Variants in CLPX observed in about 807,000 individuals in gnomAD.
CLPX encodes the protein ATP-dependent clpX-like chaperone, mitochondrial.
In CLPX, 34 loss-of-function variants were observed where a neutral mutation model predicts 76.4. The ratio of observed to expected loss-of-function variants is 0.45; its 90% confidence interval spans 0.34 to 0.59. The LOEUF (loss-of-function observed/expected upper bound fraction) is 0.59, where lower values mean the gene tolerates loss of function less well. Ranked by LOEUF, CLPX falls within the 20% of genes least tolerant of loss-of-function variation. CLPX has a pLI of 0.01. For missense variants in CLPX, 613 were observed against 757.0 expected, an observed-to-expected ratio of 0.81 and a Z score of 2.23; for synonymous variants, 248 against 270.9, an observed-to-expected ratio of 0.92 and a Z score of 0.83.
At chr15:65,155,557 T>C in intron 10 of CLPX, 135 bp downstream of exon 10, 3 of 752,154 alleles carry the variant, frequency 4.0e-6, no homozygotes, top group Non-Finnish European at 6.5e-6. Context: ...CCCTGTATAT[T>C]TCTGATATGC....
chr15:65,180,723 G>A (rs892400865), intron 1 of CLPX, among the ~76,000 whole-genome samples: 1 of 151,866 alleles, frequency 6.6e-6, no homozygotes, highest in East Asian at 1.9e-4. Context: ...CCAACATGGT[G>A]AAACCCCGTC....
Position 65,155,866 on chromosome 15 carries a change from G to A in CLPX, c.1147-10C>T, listed in dbSNP as rs1486984541. On this transcript the variant is annotated splice_polypyrimidine_tract_variant and intron_variant, in intron 9 of 13. Transcript: ENST00000300107. ...GTAGTTTTAATAAGCCCTAAATAAA[G>A]AACAAATGATTTATAGCATCACCAT... 6.2e-6 allele frequency: 10 copies of A among 1,602,340 alleles called. No individual in the cohort carries two copies. The highest frequency in any genetic ancestry group is 8.5e-6 in the Non-Finnish European group (10 of 1,171,252).
chr15:65,163,386 T>A (rs1034082672), intron 5 of CLPX, among the ~76,000 whole-genome samples: 1 of 152,108 alleles, frequency 6.6e-6, no homozygotes, highest in Non-Finnish European at 1.5e-5. Flanking sequence ...CAATCAAAGA[T>A]AATGTAGACT....
chr15:65,170,200 CG>C (rs1406664027), intron 3 of CLPX, among the ~76,000 whole-genome samples: 1 of 152,006 alleles, frequency 6.6e-6, no homozygotes, highest in East Asian at 1.9e-4. Context: ...TAATGGTAAC[CG>C]GGGACCTCAG....
chr15:65,184,672 G>A (rs904373438), intron 1 of CLPX, among the ~76,000 whole-genome samples: 2 of 152,264 alleles, frequency 1.3e-5, no homozygotes, highest in Non-Finnish European at 2.9e-5. Context: ...CGGGCCCGAG[G>A]GGGATCCCGG....
At chr15:65,173,082 A>C (rs769583299) in intron 3 of CLPX, among the ~76,000 whole-genome samples, 9 of 152,078 alleles carry the variant, frequency 5.9e-5, no homozygotes, top group Non-Finnish European at 1.2e-4. Flanking sequence ...TGAATAAAGA[A>C]AGACAGGCTG....
intron 11 of CLPX, 176 bp downstream of exon 11, chr15:65,154,606 C>A: frequency 1.8e-6 from 1 of 558,994 alleles, no homozygotes; most frequent in Non-Finnish European, 3.1e-6. Context: ...ATAAAGACAA[C>A]TCCTAAATTC....
At chr15:65,167,373 T>TA (rs1254850029) in intron 3 of CLPX, among the ~76,000 whole-genome samples, 2 of 152,062 alleles carry the variant, frequency 1.3e-5, no homozygotes. Flanking sequence ...CCCGGCCCAC[T>TA]AAAAAAGATT....
At position 65,150,904 on chromosome 15, in the gene CLPX, T is replaced by C. The variant is rs1238572594; in HGVS notation, c.1821A>G (p.Thr607=). The change falls in exon 14 of 14, where the codon ACA becomes ACG. Residue 607 remains threonine (T), a synonymous_variant. Transcript: ENST00000300107. ...CATACTCCTCTTCAGAGGATTCTTTTGTTGGAGCCCTACAATGAAAAGCCA... is the reference window on the plus strand; with the variant it reads ...CATACTCCTCTTCAGAGGATTCTTTCGTTGGAGCCCTACAATGAAAAGCCA... ...KKEPGYIRAP[T]KESSEEEYDS... is the part of the protein sequence containing the mutation. 3 of 1,605,588 alleles carry C rather than the reference T, an allele frequency of 1.9e-6. No homozygotes were observed. The Admixed American group carries it at 5.1e-5, about 27-fold the overall frequency.
chr15:65,149,512 G>T lies in CLPX; in HGVS notation c.*1311C>A, dbSNP rs2087693185. The T allele has an allele frequency of 2.4e-6, 1 of 410,554 alleles. No homozygotes were observed. The highest frequency in any genetic ancestry group is 2.1e-5 in the African/African-American group (1 of 47,104). 25.4% of individuals were successfully genotyped at this position (410,554 alleles called of 1,614,324 possible). A position where few individuals can be genotyped will look rare whatever the true frequency, so the allele number is the denominator to read the frequency against. On this transcript the variant is annotated 3_prime_UTR_variant, in exon 14 of 14. Transcript: ENST00000300107. Reference sequence around the variant, plus strand: ...TAAAATAGATATATAACTTTCTGAAGATTTAAGCCAGACTTCAATTCCATG... The same window carrying T: ...TAAAATAGATATATAACTTTCTGAATATTTAAGCCAGACTTCAATTCCATG...
In CLPX at chr15:65,166,791, A is replaced by G; in HGVS notation, c.359-6T>C. Reference sequence around the variant, plus strand: ...CTTGACAAAACGGGTGGATGCTGTAAAAGAAAACAGACATAAGTAGAGGGA... The same window carrying G: ...CTTGACAAAACGGGTGGATGCTGTAGAAGAAAACAGACATAAGTAGAGGGA... On this transcript the variant is annotated splice_polypyrimidine_tract_variant and splice_region_variant and intron_variant, in intron 3 of 13. Transcript: ENST00000300107. The G allele has an allele frequency of 6.2e-7, 1 of 1,610,548 alleles. No individual in the cohort carries two copies. Among genetic ancestry groups the G allele is most frequent in the Non-Finnish European group, 8.5e-7 (1 of 1,178,782 alleles).
chr15:65,185,273 T>C lies in CLPX; in HGVS notation c.-120A>G. On this transcript the variant is annotated 5_prime_UTR_variant, in exon 1 of 14. Transcript: ENST00000300107. ...ACCCTTTCGCGGGCCCTAGACCCCGTGGAGAGTTCACCTGCCCGGCAGCCA... is the reference window on the plus strand; with the variant it reads ...ACCCTTTCGCGGGCCCTAGACCCCGCGGAGAGTTCACCTGCCCGGCAGCCA... 1 of 770,192 alleles carries C rather than the reference T, an allele frequency of 1.3e-6. No homozygotes were observed. Among genetic ancestry groups the C allele is most frequent in the Non-Finnish European group, 2.1e-6 (1 of 473,676 alleles). 47.7% of individuals were successfully genotyped at this position (770,192 alleles called of 1,614,324 possible).
At position 65,150,912 on chromosome 15, in the gene CLPX, C is replaced by T. The variant is rs16948530; in HGVS notation, c.1813G>A (p.Ala605Thr). 23 of 1,592,526 alleles carry T rather than the reference C, an allele frequency of 1.4e-5. No homozygotes were observed. In the African/African-American group the frequency reaches 2.8e-4, roughly 20 times the overall value. The change falls in exon 14 of 14, where the codon GCT (alanine) becomes ACT (threonine). Residue 605 changes from alanine to threonine, a missense_variant and splice_region_variant. Around this residue, in one of 2 missense-constraint regions of CLPX, gnomAD observed 450 missense variants for 638.6 expected, o/e 0.70. Transcript: ENST00000300107. Reference sequence around the variant, plus strand: ...TCTTCAGAGGATTCTTTTGTTGGAGCCCTACAATGAAAAGCCATGTTTGTT... The same window carrying T: ...TCTTCAGAGGATTCTTTTGTTGGAGTCCTACAATGAAAAGCCATGTTTGTT... ...EGKKEPGYIR[A>T]PTKESSEEEY...
At chr15:65,180,731 G>A (rs1178169127) in intron 1 of CLPX, among the ~76,000 whole-genome samples, 7 of 151,700 alleles carry the variant, frequency 4.6e-5, no homozygotes, top group East Asian at 1.9e-4. Context: ...GTGAAACCCC[G>A]TCTCTACTAA....
In CLPX at chr15:65,149,352, G is replaced by C. The variant is rs1001796987; in HGVS notation, c.*1471C>G. 1 of 205,476 alleles carries C rather than the reference G, an allele frequency of 4.9e-6. No individual in the cohort carries two copies. Among genetic ancestry groups the C allele is most frequent in the African/African-American group, 2.4e-5 (1 of 42,084 alleles). The allele number at this position is 205,476 out of a possible 1,614,324, so 12.7% of individuals were successfully genotyped here. A position where few individuals can be genotyped will look rare whatever the true frequency, so the allele number is the denominator to read the frequency against. On this transcript the variant is annotated 3_prime_UTR_variant, in exon 14 of 14. Transcript: ENST00000300107. ...TAGCCAGGTGTGGTGGTGCACGCCT[G>C]TAGTCCCAGCTACTCAGGAGGCTGA...
intron 3 of CLPX, among the ~76,000 whole-genome samples, chr15:65,169,456 C>T (rs937462691): frequency 6.6e-6 from 1 of 152,060 alleles, no homozygotes; most frequent in Non-Finnish European, 1.5e-5. Flanking sequence ...CAGTGGCTCA[C>T]ACCTGTAAAC....
chr15:65,154,687 T>G (rs918182845), intron 11 of CLPX, 95 bp downstream of exon 11: 11 of 884,954 alleles, frequency 1.2e-5, no homozygotes, highest in Non-Finnish European at 1.9e-5. Context: ...GTATTCTAGA[T>G]GAGCAGAATT....
Position 65,150,824 on chromosome 15 carries a change from T to C in CLPX, c.1901A>G (p.Ter634=). ...TATACAAGACAGCAATATGACAGTT[T>C]AGCTGTTTGCAGCATCTGCTTGGCG... ...WPRQADAANS[*] Residue 634 remains the stop codon, a stop_retained_variant, in exon 14 of 14, where the codon TAA becomes TGA. Transcript: ENST00000300107. The C allele has an allele frequency of 6.2e-7, 1 of 1,606,950 alleles. No homozygotes were observed.
intron 3 of CLPX, among the ~76,000 whole-genome samples, chr15:65,170,965 G>C (rs1042862959): frequency 6.6e-6 from 1 of 150,964 alleles, no homozygotes; most frequent in African/African-American, 2.4e-5. Context: ...TGGGACTACA[G>C]GTGCATGCCA....
Sources: gnomAD v4.1 joint callset for allele counts (sites outside exome capture counted in the v4.1 genomes callset) on GRCh38, gnomAD v4.1.1 for gene constraint, gnomAD v4.1.1 regional missense constraint, MANE v1.5 for transcripts, NCBI Gene and HGNC (gene_info 2026-07-23, HGNC 2026-07-21) for gene names.